NDUFAF2: variants seen among roughly 807,000 people sequenced by gnomAD.
The protein encoded by NDUFAF2 is NADH:ubiquinone oxidoreductase complex assembly factor 2.
In NDUFAF2, 13 loss-of-function variants were observed where a neutral mutation model predicts 22.8. That is an observed-to-expected ratio of 0.57 (90% CI 0.37 to 0.91). The LOEUF (loss-of-function observed/expected upper bound fraction) is 0.91. Among genes scored for constraint, NDUFAF2 ranks in the 40% least tolerant of loss-of-function variants. The pLI, the probability that NDUFAF2 is intolerant of heterozygous loss-of-function variation, is 0.01. For missense variants in NDUFAF2, 162 were observed against 195.2 expected (o/e 0.83, Z 1.01); for synonymous variants, 53 against 64.2 (o/e 0.83, Z 0.84).
chr5:61,127,506 A>G (rs888586259), intron 3 of NDUFAF2, among the ~76,000 whole-genome samples: 2 of 152,218 alleles, frequency 1.3e-5, no homozygotes, highest in Non-Finnish European at 2.9e-5. Flanking sequence ...ATAATCCAGC[A>G]TACAAACAGA....
At chr5:60,968,549 AT>A (rs1750787504) in intron 1 of NDUFAF2, among the ~76,000 whole-genome samples, 2 of 151,464 alleles carry the variant, frequency 1.3e-5, no homozygotes, top group South Asian at 4.2e-4. Flanking sequence ...TTTTTGAAAA[AT>A]TTTTTTATTT....
chr5:61,067,522 G>A (rs1305172054), intron 1 of NDUFAF2, among the ~76,000 whole-genome samples: 2 of 152,064 alleles, frequency 1.3e-5, no homozygotes, highest in Admixed American at 6.6e-5. Context: ...GTATTCCGTG[G>A]TGTATATGTG....
Position 61,033,711 on chromosome 5 carries a change from G to A in NDUFAF2, c.128-39414G>A, listed in dbSNP as rs536240735. Among the ~76,000 whole-genome samples, 224 of 152,126 alleles carry A rather than the reference G, an allele frequency of 1.5e-3. 1 individual carries two copies. The highest frequency in any genetic ancestry group is 2.5e-3 in the Non-Finnish European group (170 of 67,966). On this transcript the variant is annotated intron_variant, in intron 1 of 3. Coordinates refer to ENST00000296597, the MANE Select transcript of NDUFAF2 (RefSeq NM_174889.5). ...TAGGTAGAATATTTTTTCTTGGAAA[G>A]TGTTTTGGTTCAAATATATTTTTAG...
intron 3 of NDUFAF2, among the ~76,000 whole-genome samples, chr5:61,135,082 C>A (rs1381693446): frequency 6.6e-6 from 1 of 151,060 alleles, no homozygotes; most frequent in Non-Finnish European, 1.5e-5. Context: ...TAAATAAAAA[C>A]CTACAATATT....
At chr5:61,038,525 C>G (rs1751831062) in intron 1 of NDUFAF2, among the ~76,000 whole-genome samples, 1 of 152,072 alleles carries the variant, frequency 6.6e-6, no homozygotes, top group South Asian at 2.1e-4. Flanking sequence ...GCATAGTTTA[C>G]AGTAAGAGCC....
chr5:61,067,969 C>CT lies in NDUFAF2; in HGVS notation c.128-5155dup, dbSNP rs907194102. On this transcript the variant is annotated intron_variant, in intron 1 of 3. Coordinates refer to ENST00000296597, the MANE Select transcript of NDUFAF2 (RefSeq NM_174889.5). ...TTCACTCTAGTAACCTTTTTACTGT[C>CT]TATTCATATCCCACAACATCATGTT... 3.3e-4 allele frequency among the ~76,000 whole-genome samples: 50 copies of CT among 152,064 alleles called. 3 individuals carry two copies. Among genetic ancestry groups the CT allele is most frequent in the Non-Finnish European group, 1.5e-5 (1 of 67,990 alleles).
chr5:61,153,007 A>G lies in NDUFAF2; in HGVS notation c.*52A>G. The G allele has an allele frequency of 6.3e-7, 1 of 1,591,106 alleles. No individual in the cohort carries two copies. The highest frequency in any genetic ancestry group is 1.3e-5 in the African/African-American group (1 of 74,356). On this transcript the variant is annotated 3_prime_UTR_variant, in exon 4 of 4. Coordinates refer to ENST00000296597, the MANE Select transcript of NDUFAF2 (RefSeq NM_174889.5). ...TATATGGATGTGACTATTTTAACAAATAAAAGAAGTGAAAAGTTATTTACC... is the reference window on the plus strand; with the variant it reads ...TATATGGATGTGACTATTTTAACAAGTAAAAGAAGTGAAAAGTTATTTACC...
At chr5:60,980,269 A>G (rs1750959588) in intron 1 of NDUFAF2, among the ~76,000 whole-genome samples, 1 of 152,220 alleles carries the variant, frequency 6.6e-6, no homozygotes, top group Non-Finnish European at 1.5e-5. Context: ...CATAAGCATG[A>G]AAACCATCCA....
chr5:61,141,036 T>A (rs1741045016), intron 3 of NDUFAF2, among the ~76,000 whole-genome samples: 2 of 152,174 alleles, frequency 1.3e-5, no homozygotes, highest in South Asian at 2.1e-4. Flanking sequence ...GAGACCAGGC[T>A]GACCAACATG....
intron 2 of NDUFAF2, among the ~76,000 whole-genome samples, chr5:61,076,614 G>T (rs1420020634): frequency 6.6e-6 from 1 of 152,180 alleles, no homozygotes; most frequent in Admixed American, 6.5e-5. Context: ...TGTGAATCTG[G>T]GGGGCCTTGT....
At chr5:61,100,233 A>G (rs1439415179) in intron 3 of NDUFAF2, among the ~76,000 whole-genome samples, 2 of 152,190 alleles carry the variant, frequency 1.3e-5, no homozygotes, top group Non-Finnish European at 2.9e-5. Flanking sequence ...TGGTCATAAT[A>G]AGAGCTACTG....
rs142726228 is a variant in NDUFAF2 at position 60,997,702 on chromosome 5, A to G, written c.127+52320A>G. ...GTTTAAGGACTGCCATTTTACACCC[A>G]TAAACAAATAAAAGTTTTCAGGATC... On this transcript the variant is annotated intron_variant, in intron 1 of 3. Coordinates refer to ENST00000296597, the MANE Select transcript of NDUFAF2 (RefSeq NM_174889.5). Among the ~76,000 whole-genome samples, 8 of 152,344 alleles carry G rather than the reference A, an allele frequency of 5.3e-5. No individual in the cohort carries two copies. In the East Asian group the frequency reaches 1.3e-3, roughly 26 times the overall value.
chr5:61,117,604 C>T (rs1752927117), intron 3 of NDUFAF2, among the ~76,000 whole-genome samples: 1 of 152,150 alleles, frequency 6.6e-6, no homozygotes, highest in Admixed American at 6.6e-5. Flanking sequence ...GATCTTCCCA[C>T]CTCAGCCTCC....
intron 3 of NDUFAF2, among the ~76,000 whole-genome samples, chr5:61,100,166 A>T (rs1355657130): frequency 6.6e-6 from 1 of 152,154 alleles, no homozygotes; most frequent in Admixed American, 6.6e-5. Context: ...ATTCAGAAGT[A>T]TGCCCAGTAG....
rs749732586 is a variant in NDUFAF2, at chr5:61,152,970, A to C, written c.*15A>C. 4 of 1,613,344 alleles carry C rather than the reference A, an allele frequency of 2.5e-6. No individual in the cohort carries two copies. The highest frequency in any genetic ancestry group is 3.3e-5 in the Admixed American group (2 of 59,970). ...ACAATCAATGAATGCATTATGGTCAAATCTTTTCATGTATATGGATGTGAC... is the reference window on the plus strand; with the variant it reads ...ACAATCAATGAATGCATTATGGTCACATCTTTTCATGTATATGGATGTGAC... On this transcript the variant is annotated 3_prime_UTR_variant, in exon 4 of 4. Transcript: ENST00000296597.
intron 1 of NDUFAF2, among the ~76,000 whole-genome samples, chr5:61,065,256 T>C: frequency 6.6e-6 from 1 of 152,070 alleles, no homozygotes; most frequent in South Asian, 2.1e-4. Context: ...GCTTTGTAGC[T>C]GAATTCTACC....
Position 61,136,005 on chromosome 5 carries a change from T to TTATATATATATATATATATATA in NDUFAF2, c.259-16683_259-16662dup, listed in dbSNP as rs57756292. ...TTGGTCCCTACATCTAAGCCTGTCTTTATATATATATATATATATATATAT... is the reference window on the plus strand; with the variant it reads ...TTGGTCCCTACATCTAAGCCTGTCTTTATATATATATATATATATATATATATATATATATATATATATATAT... On this transcript the variant is annotated intron_variant, in intron 3 of 3. Transcript: ENST00000296597. Among the ~76,000 whole-genome samples, 161 of 95,932 alleles carry TTATATATATATATATATATATA rather than the reference T, an allele frequency of 1.7e-3. 3 individuals are homozygous for TTATATATATATATATATATATA. The highest frequency in any genetic ancestry group is 3.2e-3 in the South Asian group (9 of 2,796). The allele number at this position is 95,932 out of a possible 152,430, so 62.9% of individuals were successfully genotyped here.
At chr5:61,093,528 G>C (rs893594171) in intron 2 of NDUFAF2, among the ~76,000 whole-genome samples, 1 of 152,182 alleles carries the variant, frequency 6.6e-6, no homozygotes, top group Admixed American at 6.5e-5. Flanking sequence ...TGTGGTTCTT[G>C]TCTTTAGTTC....
At chr5:61,133,259 T>C (rs1190274133) in intron 3 of NDUFAF2, among the ~76,000 whole-genome samples, 1 of 152,202 alleles carries the variant, frequency 6.6e-6, no homozygotes, top group African/African-American at 2.4e-5. Context: ...ATAGCACTAT[T>C]TCTTTGGGGA....
Sources: allele counts gnomAD v4.1 joint callset (sites outside exome capture counted in the v4.1 genomes callset), GRCh38; gene constraint gnomAD v4.1.1; transcripts MANE v1.5; gene names NCBI Gene and HGNC (gene_info 2026-07-23, HGNC 2026-07-21).